RNF4: variants seen among roughly 807,000 people sequenced by gnomAD.
RNF4 encodes the protein ring finger protein 4.
In RNF4, 7 loss-of-function variants were observed where a neutral mutation model predicts 24.3. That is an observed-to-expected ratio of 0.29 (90% confidence interval 0.16 to 0.54). RNF4 has a LOEUF of 0.54. Among genes scored for constraint, RNF4 ranks in the 20% least tolerant of loss-of-function variants. The probability of loss-of-function intolerance (pLI) is 0.95; values close to 1 mark genes in which losing one functional copy is unlikely to be tolerated. For missense variants in RNF4, 209 were observed against 248.5 expected (o/e 0.84, Z 1.07); for synonymous variants, 83 against 84.3 (o/e 0.98, Z 0.09).
chr4:2,497,161 G>T, intron 3 of RNF4, 40 bp downstream of exon 3: 1 of 1,482,526 alleles, frequency 6.7e-7, no homozygotes, highest in Non-Finnish European at 9.3e-7. Flanking sequence ...GGGTGTTAAA[G>T]TGGAGAGAGA....
chr4:2,508,092 C>T (rs1438414413), intron 4 of RNF4, among the ~76,000 whole-genome samples: 2 of 152,174 alleles, frequency 1.3e-5, no homozygotes, highest in Non-Finnish European at 2.9e-5. Flanking sequence ...GTGATTCATC[C>T]CGCCTTGGCC....
chr4:2,479,909 A>AG (rs1367169575), intron 1 of RNF4: 1 of 152,140 alleles, frequency 6.6e-6, no homozygotes, highest in African/African-American at 2.4e-5. Flanking sequence ...ATCTCTTTCA[A>AG]GCATGTGAGG....
chr4:2,472,979 G>A (rs1734952727), intron 1 of RNF4, among the ~76,000 whole-genome samples: 1 of 152,058 alleles, frequency 6.6e-6, no homozygotes, highest in Non-Finnish European at 1.5e-5. Context: ...AGAGGAGCTT[G>A]CAGTGAGCCA....
intron 3 of RNF4, among the ~76,000 whole-genome samples, chr4:2,500,035 G>A (rs1185595589): frequency 6.6e-6 from 1 of 151,758 alleles, no homozygotes; most frequent in African/African-American, 2.4e-5. Context: ...CCAGGCGCCT[G>A]TAATCCCAAC....
intron 1 of RNF4, chr4:2,469,888 T>TG (rs1734843342): frequency 6.6e-6 from 1 of 152,340 alleles, no homozygotes; most frequent in South Asian, 2.1e-4. Flanking sequence ...GGCCCAGCCC[T>TG]GCACCGCTCG....
chr4:2,480,036 T>C (rs1275804002), intron 1 of RNF4: 2 of 151,950 alleles, frequency 1.3e-5, no homozygotes, highest in East Asian at 3.9e-4. Context: ...GCACAAGCGA[T>C]CCTCCCATCT....
At chr4:2,476,043 A>G (rs1173365589) in intron 1 of RNF4, among the ~76,000 whole-genome samples, 2 of 152,242 alleles carry the variant, frequency 1.3e-5, no homozygotes, top group Non-Finnish European at 2.9e-5. Context: ...GAGGAGTCTG[A>G]TAATTATCCT....
At chr4:2,509,698 C>A (rs1736212306) in intron 4 of RNF4, among the ~76,000 whole-genome samples, 1 of 152,160 alleles carries the variant, frequency 6.6e-6, no homozygotes, top group South Asian at 2.1e-4. Context: ...GTGCTCAGGA[C>A]AGGCCTCAGT....
Position 2,496,371 on chromosome 4 carries a change from T to G in RNF4, c.10-636T>G, listed in dbSNP as rs79205547. Among the ~76,000 whole-genome samples, 1,350 of 152,332 alleles carry G rather than the reference T, an allele frequency of 8.9e-3. 23 individuals are homozygous for G. The highest frequency in any genetic ancestry group is 0.03 in the African/African-American group (1,242 of 41,570). Reference sequence around the variant, plus strand: ...TAACTTTTGGTTAAAGGGAAGAGTTTCCAGCCTTTTGGCCAGGGCATCCAC... The same window carrying G: ...TAACTTTTGGTTAAAGGGAAGAGTTGCCAGCCTTTTGGCCAGGGCATCCAC... On this transcript the variant is annotated intron_variant, in intron 2 of 7. Transcript: ENST00000314289.
intron 4 of RNF4, among the ~76,000 whole-genome samples, chr4:2,506,461 C>T (rs566629855): frequency 1.3e-5 from 2 of 152,242 alleles, no homozygotes; most frequent in South Asian, 4.1e-4. Flanking sequence ...GGATTACAGA[C>T]GTGAGCCACC....
At chr4:2,488,718 T>C (rs779391221) in intron 1 of RNF4, among the ~76,000 whole-genome samples, 20 of 152,206 alleles carry the variant, frequency 1.3e-4, no homozygotes, top group Admixed American at 4.6e-4. Context: ...TGCAGTTCTG[T>C]TCTATAGATA....
At chr4:2,511,826 G>A in intron 4 of RNF4, 130 bp from the exon 5 acceptor site, 1 of 864,896 alleles carries the variant, frequency 1.2e-6, no homozygotes, top group Non-Finnish European at 1.9e-6. Flanking sequence ...GGAGGAGGGT[G>A]GGGCCTCTGC....
intron 1 of RNF4, among the ~76,000 whole-genome samples, chr4:2,486,983 T>G (rs1483235697): frequency 1.3e-5 from 2 of 152,176 alleles, no homozygotes; most frequent in African/African-American, 4.8e-5. Flanking sequence ...GGGACTGTCG[T>G]GTGGTCTGAA....
intron 1 of RNF4, among the ~76,000 whole-genome samples, chr4:2,482,881 A>C (rs551038559): frequency 6.6e-6 from 1 of 152,000 alleles, no homozygotes; most frequent in Admixed American, 6.6e-5. Context: ...GCTTTCTTCA[A>C]CCTCCTCTGA....
At chr4:2,472,646 C>T (rs981201434) in intron 1 of RNF4, among the ~76,000 whole-genome samples, 4 of 150,568 alleles carry the variant, frequency 2.7e-5, no homozygotes, top group Middle Eastern at 3.3e-3. Flanking sequence ...GAAAGAAATG[C>T]ATTTTGTAAG....
At chr4:2,481,398 A>G (rs1735239216) in intron 1 of RNF4, among the ~76,000 whole-genome samples, 1 of 152,060 alleles carries the variant, frequency 6.6e-6, no homozygotes, top group Non-Finnish European at 1.5e-5. Context: ...TTTTTTAAGG[A>G]ACACATATGT....
chr4:2,492,914 T>C (rs1735623156), intron 2 of RNF4, among the ~76,000 whole-genome samples: 1 of 152,222 alleles, frequency 6.6e-6, no homozygotes, highest in South Asian at 2.1e-4. Context: ...TGCATGTGTG[T>C]GAAGAAATTG....
chr4:2,509,420 G>A (rs1246906657), intron 4 of RNF4, among the ~76,000 whole-genome samples: 1 of 152,106 alleles, frequency 6.6e-6, no homozygotes, highest in Non-Finnish European at 1.5e-5. Context: ...GTTTCACCAT[G>A]TTGGTCAGGC....
intron 4 of RNF4, among the ~76,000 whole-genome samples, chr4:2,501,664 A>G (rs1318466102): frequency 6.6e-6 from 1 of 152,140 alleles, no homozygotes; most frequent in African/African-American, 2.4e-5. Context: ...TGTGCTCGGA[A>G]CACAGGTCGG....
Sources: gnomAD v4.1 joint callset for allele counts (sites outside exome capture counted in the v4.1 genomes callset) on GRCh38, gnomAD v4.1.1 for gene constraint, MANE v1.5 for transcripts, NCBI Gene and HGNC (gene_info 2026-07-23, HGNC 2026-07-21) for gene names.